The following SLC13A4 variants were observed in gnomAD, a reference collection of about 807,000 sequenced individuals.
SLC13A4 encodes Na(+)/sulfate cotransporter SUT-1.
Under a neutral mutation model 72.7 loss-of-function variants are expected in SLC13A4, and 28 were observed. The observed-to-expected ratio is 0.39, with a 90% CI of 0.29 to 0.53. The LOEUF (loss-of-function observed/expected upper bound fraction) is 0.53, where lower values mean the gene tolerates loss of function less well. SLC13A4 is among the 20% of genes least tolerant of loss of function. SLC13A4 has a pLI of 0.78. For synonymous variants in SLC13A4, 312 were observed against 325.5 expected (o/e 0.96, Z 0.45); for missense variants, 653 against 788.0 (o/e 0.83, Z 2.05).
intron 2 of SLC13A4, among the ~76,000 whole-genome samples, chr7:135,715,731 G>C (rs951911256): frequency 6.6e-6 from 1 of 152,200 alleles, no homozygotes; most frequent in African/African-American, 2.4e-5. Context: ...TAGTTAACTT[G>C]ATTGACACAG....
intron 6 of SLC13A4, 30 bp from the exon 7 acceptor site, chr7:135,701,790 G>C (rs774796785): frequency 6.2e-7 from 1 of 1,605,522 alleles, no homozygotes; most frequent in East Asian, 2.2e-5. Flanking sequence ...CTCACTATTA[G>C]GAAGAGGAAG....
At chr7:135,698,045 T>C (rs1181564064) in intron 8 of SLC13A4, among the ~76,000 whole-genome samples, 1 of 152,216 alleles carries the variant, frequency 6.6e-6, no homozygotes, top group Non-Finnish European at 1.5e-5. Context: ...TATCTATTTA[T>C]TTTTTGAGAT....
At chr7:135,702,216 G>C (rs3112343) in intron 6 of SLC13A4, 154,311 of 157,936 alleles carry the variant, frequency 0.98, 75,407 homozygotes, top group East Asian at 1. Context: ...TGGAAGTACA[G>C]GTGCACATCA....
chr7:135,716,608 C>T (rs980725583), intron 2 of SLC13A4, among the ~76,000 whole-genome samples: 1 of 152,210 alleles, frequency 6.6e-6, no homozygotes, highest in African/African-American at 2.4e-5. Context: ...CCACAGTGCC[C>T]AGCCCATAAT....
At chr7:135,727,324 G>C in intron 1 of SLC13A4, 74 bp downstream of exon 1, 1 of 1,517,294 alleles carries the variant, frequency 6.6e-7, no homozygotes, top group South Asian at 1.2e-5. Flanking sequence ...AGCGCCCCAT[G>C]TTCCCCTACC....
chr7:135,697,920 G>C, intron 8 of SLC13A4, among the ~76,000 whole-genome samples: 1 of 152,184 alleles, frequency 6.6e-6, no homozygotes, highest in East Asian at 1.9e-4. Context: ...TTTCCTCCCT[G>C]CAAATGGGCG....
chr7:135,717,276 T>A (rs1796453037), intron 2 of SLC13A4, among the ~76,000 whole-genome samples: 1 of 152,214 alleles, frequency 6.6e-6, no homozygotes, highest in South Asian at 2.1e-4. Flanking sequence ...TTTTCCCCCC[T>A]GGAAATTTTG....
At chr7:135,692,195 T>C in intron 11 of SLC13A4, 128 bp downstream of exon 11, 2 of 754,346 alleles carry the variant, frequency 2.7e-6, no homozygotes, top group Non-Finnish European at 4.6e-6. Flanking sequence ...GCAGCCTCCC[T>C]AAAAAGAGTG....
At chr7:135,705,671 C>G (rs764884625) in intron 4 of SLC13A4, 21 bp from the exon 5 acceptor site, 1 of 1,612,324 alleles carries the variant, frequency 6.2e-7, no homozygotes, top group East Asian at 2.2e-5. Flanking sequence ...CAAAGAAAAG[C>G]AGTATGTGAG....
chr7:135,697,746 C>G (rs1043483864), intron 8 of SLC13A4, among the ~76,000 whole-genome samples: 2 of 152,190 alleles, frequency 1.3e-5, no homozygotes, highest in Non-Finnish European at 2.9e-5. Context: ...ATCTGCCCAT[C>G]CAGCTCCCTG....
chr7:135,711,963 ATTTTTTTTTTTTTTTTTT>A (rs529940903), intron 2 of SLC13A4, among the ~76,000 whole-genome samples: 25 of 46,904 alleles, frequency 5.3e-4, no homozygotes, highest in East Asian at 3.7e-3. Flanking sequence ...ATGTTTTTGG[ATTTTTTTTTTTTTTTTTT>A]TTTTTTTTTT....
At chr7:135,691,431 G>T in intron 12 of SLC13A4, 106 bp from the exon 13 acceptor site, 1 of 746,500 alleles carries the variant, frequency 1.3e-6, no homozygotes. Context: ...GCTATTTGGG[G>T]CGGGGGCCGG....
rs1796495482 is a variant in SLC13A4 at position 135,719,423 on chromosome 7, C to T, written c.228+1972G>A. On this transcript the variant is annotated intron_variant, in intron 2 of 15. Transcript: ENST00000682651. ...AAGGTTATTTAGGATTCAGTTCTTTCTAAACATCATTTTTTTTCCTCTACC... is the reference window on the plus strand; with the variant it reads ...AAGGTTATTTAGGATTCAGTTCTTTTTAAACATCATTTTTTTTCCTCTACC... Among the ~76,000 whole-genome samples, 5 of 152,266 alleles carry T rather than the reference C, an allele frequency of 3.3e-5. No individual in the cohort carries two copies. The South Asian group carries it at 1.0e-3, about 32-fold the overall frequency.
Position 135,694,133 on chromosome 7 carries a change from T to A in SLC13A4, c.1121+4A>T. On this transcript the variant is annotated splice_donor_region_variant and intron_variant, in intron 10 of 15. Transcript: ENST00000682651. Reference sequence around the variant, plus strand: ...AGGAGGGAAGAGGAATGGCTGATTTTTACCTAATGTCTCCCAGTTTTTCAT... The same window carrying A: ...AGGAGGGAAGAGGAATGGCTGATTTATACCTAATGTCTCCCAGTTTTTCAT... 6.4e-7 allele frequency: 1 copy of A among 1,574,348 alleles called. No individual in the cohort carries two copies. The highest frequency in any genetic ancestry group is 8.7e-7 in the Non-Finnish European group (1 of 1,143,850).
chr7:135,711,733 C>G (rs2129495031), intron 2 of SLC13A4, among the ~76,000 whole-genome samples: 1 of 152,230 alleles, frequency 6.6e-6, no homozygotes, highest in African/African-American at 2.4e-5. Flanking sequence ...CATGAGCTGG[C>G]ACACATTTCT....
At chr7:135,694,825 T>C (rs1465479528) in intron 9 of SLC13A4, among the ~76,000 whole-genome samples, 1 of 152,172 alleles carries the variant, frequency 6.6e-6, no homozygotes, top group Non-Finnish European at 1.5e-5. Context: ...AATGGGAGCA[T>C]TGGGTTACAT....
intron 4 of SLC13A4, 149 bp downstream of exon 4, chr7:135,705,979 G>GAGAGGGA: frequency 1.5e-6 from 1 of 679,908 alleles, no homozygotes; most frequent in Non-Finnish European, 2.4e-6. Flanking sequence ...GGAAAGAGGA[G>GAGAGGGA]AGAGGGAAGA....
Position 135,691,335 on chromosome 7 carries a change from A to G in SLC13A4, c.1322-10T>C, listed in dbSNP as rs533364377. ...TGCTCCTGGTTCTCTCCTGGATTAG[A>G]GAGAGATGTAAAGCCAGATAAACCC... On this transcript the variant is annotated splice_polypyrimidine_tract_variant and intron_variant, in intron 12 of 15. Transcript: ENST00000682651. The G allele has an allele frequency of 3.8e-6, 6 of 1,594,938 alleles. No individual in the cohort carries two copies. In the East Asian group the frequency reaches 9.2e-5, roughly 25 times the overall value.
chr7:135,691,641 C>T lies in SLC13A4; in HGVS notation c.1228G>A (p.Gly410Ser). Residue 410 changes from glycine to serine, a missense_variant, in exon 12 of 16, where the codon GGC becomes AGC. By Grantham distance (56) the Gly-to-Ser change is moderately conservative. Coordinates refer to ENST00000682651, the MANE Select transcript of SLC13A4 (RefSeq NM_001318192.2). ...GAGACTGTGGCATCAGTACGGTAGCCTTTCCTAGTAAAGAGACAAGCATAG... is the reference window on the plus strand; with the variant it reads ...GAGACTGTGGCATCAGTACGGTAGCTTTTCCTAGTAAAGAGACAAGCATAG... ...PGWDSFFEKK[G>S]YRTDATVSVF... is the part of the protein sequence containing the mutation. The T allele has an allele frequency of 1.2e-6, 2 of 1,610,180 alleles. No individual in the cohort carries two copies. Among genetic ancestry groups the T allele is most frequent in the Non-Finnish European group, 1.7e-6 (2 of 1,176,654 alleles).
Sources: gnomAD v4.1 joint callset for allele counts (sites outside exome capture counted in the v4.1 genomes callset) on GRCh38, gnomAD v4.1.1 for gene constraint, MANE v1.5 for transcripts, NCBI Gene and HGNC (gene_info 2026-07-23, HGNC 2026-07-21) for gene names.